The following RNLS variants were observed in gnomAD, a reference collection of about 807,000 sequenced individuals.
RNLS encodes renalase.
A neutral mutation model predicts 39.8 loss-of-function variants in RNLS; 39 were observed. That is an observed-to-expected ratio of 0.98 (90% CI 0.76 to 1.28). The LOEUF is 1.28. Among genes scored for constraint, RNLS ranks in the 50% most tolerant of loss-of-function variants. The pLI is 0.00. For missense variants in RNLS, 410 were observed against 413.3 expected (o/e 0.99, Z 0.07); for synonymous variants, 147 against 150.7 (o/e 0.98, Z 0.18).
intron 4 of RNLS, among the ~76,000 whole-genome samples, chr10:88,430,269 T>C (rs1855054887): frequency 6.6e-6 from 1 of 151,892 alleles, no homozygotes; most frequent in Non-Finnish European, 1.5e-5. Context: ...TATAAATGTA[T>C]TCTTTTAAAC....
At chr10:88,333,612 G>C (rs896234629) in intron 5 of RNLS, among the ~76,000 whole-genome samples, 7 of 152,176 alleles carry the variant, frequency 4.6e-5, no homozygotes, top group African/African-American at 4.8e-5. Context: ...TAGTCTTTCA[G>C]AGCTGGGAAT....
At chr10:88,563,758 C>T (rs1472574725) in intron 4 of RNLS, among the ~76,000 whole-genome samples, 1 of 151,802 alleles carries the variant, frequency 6.6e-6, no homozygotes, top group Non-Finnish European at 1.5e-5. Flanking sequence ...AGAAAGGTAC[C>T]CCCAAGATCT....
At chr10:88,397,384 A>G (rs1324124637) in intron 4 of RNLS, among the ~76,000 whole-genome samples, 1 of 152,026 alleles carries the variant, frequency 6.6e-6, no homozygotes, top group Non-Finnish European at 1.5e-5. Context: ...AAATAGGACA[A>G]AGATCTAACA....
chr10:88,190,838 G>A, the RNLS span, among the ~76,000 whole-genome samples: 5 of 152,180 alleles, frequency 3.3e-5, no homozygotes, highest in African/African-American at 4.8e-5. Flanking sequence ...GGGATCAACT[G>A]ATTCAGCCAT....
In RNLS at chr10:88,317,298, A is replaced by T. The variant is rs1474503369; in HGVS notation, c.701-2657T>A. ...TTTCCATCAATTAAAAGGGAGCAAC[A>T]CTACTGACCTTACAAGGCTGCCATG... On this transcript the variant is annotated intron_variant, in intron 5 of 6. Coordinates refer to ENST00000331772, the MANE Select transcript of RNLS (RefSeq NM_001031709.3). Among the ~76,000 whole-genome samples the T allele has an allele frequency of 6.6e-5, 10 of 152,238 alleles. No individual in the cohort carries two copies. The East Asian group carries it at 1.9e-3, about 29-fold the overall frequency.
chr10:88,415,126 T>TA (rs1298978453), intron 4 of RNLS, among the ~76,000 whole-genome samples: 12 of 152,132 alleles, frequency 7.9e-5, no homozygotes, highest in Admixed American at 7.9e-4. Flanking sequence ...GTTGGAAAGG[T>TA]AAAAGATTCA....
intron 5 of RNLS, among the ~76,000 whole-genome samples, chr10:88,337,149 C>CA: frequency 6.6e-6 from 1 of 152,208 alleles, no homozygotes; most frequent in African/African-American, 2.4e-5. Context: ...TGAAGGGGCT[C>CA]AAAACAGTTC....
chr10:88,399,823 CAG>C (rs1015780596), intron 4 of RNLS, among the ~76,000 whole-genome samples: 3 of 152,012 alleles, frequency 2.0e-5, no homozygotes, highest in Admixed American at 1.3e-4. Context: ...CTTAAAACAA[CAG>C]AAATTTATTT....
chr10:88,322,100 G>A (rs545504447), intron 5 of RNLS, among the ~76,000 whole-genome samples: 2 of 152,220 alleles, frequency 1.3e-5, no homozygotes, highest in South Asian at 2.1e-4. Context: ...ATATTTCATC[G>A]TGATCAAGTG....
intron 5 of RNLS, among the ~76,000 whole-genome samples, chr10:88,354,223 T>C (rs1473987315): frequency 6.6e-6 from 1 of 152,216 alleles, no homozygotes; most frequent in African/African-American, 2.4e-5. Flanking sequence ...ACATGTAAAG[T>C]TAATATTGTT....
chr10:88,418,892 G>C (rs139090028), intron 4 of RNLS, among the ~76,000 whole-genome samples: 1 of 152,180 alleles, frequency 6.6e-6, no homozygotes, highest in Admixed American at 6.5e-5. Context: ...CAGGGAAAGA[G>C]AGTCCTTTCT....
At chr10:88,203,405 TATATATACAC>T in the RNLS span, among the ~76,000 whole-genome samples, 1 of 23,288 alleles carries the variant, frequency 4.3e-5, no homozygotes, top group Non-Finnish European at 1.1e-4. Context: ...TGTATATATA[TATATATACAC>T]GTATGTGTAT....
At chr10:88,508,605 A>G (rs1564857713) in intron 4 of RNLS, among the ~76,000 whole-genome samples, 1 of 152,144 alleles carries the variant, frequency 6.6e-6, no homozygotes, top group Non-Finnish European at 1.5e-5. Context: ...GTAGCAGCCC[A>G]CAATGAGAAT....
chr10:88,411,465 C>T (rs1669837985), intron 4 of RNLS, among the ~76,000 whole-genome samples: 1 of 151,786 alleles, frequency 6.6e-6, no homozygotes, highest in South Asian at 2.1e-4. Context: ...GCAAATCTTC[C>T]CCTTTACTCT....
At chr10:88,533,958 G>A (rs1240003837) in intron 4 of RNLS, among the ~76,000 whole-genome samples, 5 of 152,092 alleles carry the variant, frequency 3.3e-5, no homozygotes, top group Non-Finnish European at 5.9e-5. Flanking sequence ...CCAAGACAAA[G>A]CCTTGAAAAT....
At chr10:88,172,666 A>C in the RNLS span, among the ~76,000 whole-genome samples, 733 of 151,382 alleles carry the variant, frequency 4.8e-3, 9 homozygotes, top group African/African-American at 0.017. Flanking sequence ...CTATGCAGAA[A>C]CTTTTTAGAG....
chr10:88,549,903 T>C (rs946607255), intron 4 of RNLS, among the ~76,000 whole-genome samples: 6 of 152,210 alleles, frequency 3.9e-5, no homozygotes, highest in African/African-American at 1.4e-4. Flanking sequence ...CAACTAATGT[T>C]GAAATGTATT....
intron 5 of RNLS, among the ~76,000 whole-genome samples, chr10:88,315,740 T>TTTG (rs1554855450): frequency 6.7e-6 from 1 of 148,896 alleles, no homozygotes; most frequent in African/African-American, 2.5e-5. Flanking sequence ...CATTTCAGGT[T>TTTG]TTTTTTTTTT....
chr10:88,195,666 A>G, the RNLS span, among the ~76,000 whole-genome samples: 12 of 152,314 alleles, frequency 7.9e-5, no homozygotes, highest in African/African-American at 2.9e-4. Context: ...GAGCTCATCA[A>G]GTTTCCTTGC....
Sources: gnomAD v4.1 joint callset for allele counts (sites outside exome capture counted in the v4.1 genomes callset) on GRCh38, gnomAD v4.1.1 for gene constraint, MANE v1.5 for transcripts, NCBI Gene and HGNC (gene_info 2026-07-23, HGNC 2026-07-21) for gene names.